Variants in GRIA4 observed in about 807,000 individuals in gnomAD.
The protein encoded by GRIA4 is glutamate ionotropic receptor AMPA type subunit 4, also known as glutamate receptor 4.
In GRIA4, 34 loss-of-function variants were observed where a neutral mutation model predicts 104.0. That is an observed-to-expected ratio of 0.33 (90% CI 0.25 to 0.44). The LOEUF (loss-of-function observed/expected upper bound fraction) is 0.44. Ranked by LOEUF, GRIA4 falls within the 20% of genes least tolerant of loss-of-function variation. The probability of loss-of-function intolerance (pLI) is 1.00; values close to 1 mark genes in which losing one functional copy is unlikely to be tolerated. For synonymous variants in GRIA4, 386 were observed against 381.9 expected, an observed-to-expected ratio of 1.01 and a Z score of -0.13; for missense variants, 750 against 1,096.5, an observed-to-expected ratio of 0.68 and a Z score of 4.46.
intron 14 of GRIA4, among the ~76,000 whole-genome samples, chr11:105,959,197 A>G (rs571367335): frequency 6.6e-6 from 1 of 152,178 alleles, no homozygotes; most frequent in South Asian, 2.1e-4. Context: ...TAATATCCTG[A>G]AATGTGTATT....
chr11:105,948,074 C>T (rs1948362076), intron 14 of GRIA4, among the ~76,000 whole-genome samples: 1 of 152,176 alleles, frequency 6.6e-6, no homozygotes, highest in East Asian at 1.9e-4. Flanking sequence ...AGCTTCCTTT[C>T]ATTAGCTTGT....
chr11:105,827,854 C>T (rs1943832868), intron 4 of GRIA4, among the ~76,000 whole-genome samples: 1 of 152,006 alleles, frequency 6.6e-6, no homozygotes, highest in Non-Finnish European at 1.5e-5. Flanking sequence ...AGACTATCAA[C>T]TAAATTTGCT....
intron 4 of GRIA4, among the ~76,000 whole-genome samples, chr11:105,772,985 C>T (rs1018493763): frequency 6.6e-6 from 1 of 152,040 alleles, no homozygotes; most frequent in African/African-American, 2.4e-5. Context: ...CAAGTCTAAA[C>T]ACAGCAAAAT....
At chr11:105,717,113 G>A (rs1954118045) in intron 3 of GRIA4, among the ~76,000 whole-genome samples, 1 of 151,998 alleles carries the variant, frequency 6.6e-6, no homozygotes, top group Non-Finnish European at 1.5e-5. Flanking sequence ...TGTTGAAAAT[G>A]AGGTTAACAT....
At position 105,927,664 on chromosome 11, in the gene GRIA4, T is replaced by G. The variant is rs1176347233; in HGVS notation, c.2046+725T>G. Reference sequence around the variant, plus strand: ...GGAACAATAGAGGTTTTTATTTTAGTTTTTTTTAGTGTTTGTTCCATTATG... The same window carrying G: ...GGAACAATAGAGGTTTTTATTTTAGGTTTTTTTAGTGTTTGTTCCATTATG... On this transcript the variant is annotated intron_variant, in intron 13 of 16. Transcript: ENST00000282499. 2.0e-5 allele frequency among the ~76,000 whole-genome samples: 3 copies of G among 151,838 alleles called. No homozygotes were observed. In the East Asian group the frequency reaches 5.8e-4, roughly 29 times the overall value.
At chr11:105,881,716 C>T (rs1260576268) in intron 5 of GRIA4, among the ~76,000 whole-genome samples, 3 of 150,912 alleles carry the variant, frequency 2.0e-5, no homozygotes, top group African/African-American at 7.3e-5. Flanking sequence ...CACACACACG[C>T]CCCTGCATAC....
chr11:105,770,708 C>T (rs1163116756), intron 4 of GRIA4, among the ~76,000 whole-genome samples: 1 of 152,000 alleles, frequency 6.6e-6, no homozygotes, highest in Non-Finnish European at 1.5e-5. Context: ...TAGTTAAAAC[C>T]TACTTTTCCC....
Position 105,931,265 on chromosome 11 carries a change from TACACACACACAC to T in GRIA4, c.2047-2430_2047-2419del, listed in dbSNP as rs373334457. Among the ~76,000 whole-genome samples, 339 of 143,784 alleles carry T rather than the reference TACACACACACAC, an allele frequency of 2.4e-3. 1 individual carries two copies. Among genetic ancestry groups the T allele is most frequent in the African/African-American group, 7.7e-3 (305 of 39,432 alleles). 94.3% of individuals were successfully genotyped at this position (143,784 alleles called of 152,430 possible). A position where few individuals can be genotyped will look rare whatever the true frequency, so the allele number is the denominator to read the frequency against. ...CAGAAGTATCCTGTCATTGCCTAAA[TACACACACACAC>T]ACACACACACACACACACACACACA... On this transcript the variant is annotated intron_variant, in intron 13 of 16. Transcript: ENST00000282499.
intron 14 of GRIA4, among the ~76,000 whole-genome samples, chr11:105,952,357 T>TA (rs766349424): frequency 4.6e-5 from 7 of 152,112 alleles, no homozygotes; most frequent in Non-Finnish European, 8.8e-5. Context: ...CCAAAGTAGG[T>TA]AAAAAAATTC....
At chr11:105,820,413 C>T (rs1301478642) in intron 4 of GRIA4, among the ~76,000 whole-genome samples, 4 of 152,060 alleles carry the variant, frequency 2.6e-5, no homozygotes, top group Admixed American at 2.6e-4. Context: ...CTCAAACATG[C>T]CAGTCATGGA....
Position 105,648,613 on chromosome 11 carries a change from G to T in GRIA4, c.247+36179G>T, listed in dbSNP as rs999627897. Among the ~76,000 whole-genome samples, 81 of 151,820 alleles carry T rather than the reference G, an allele frequency of 5.3e-4. 2 individuals carry two copies. The highest frequency in any genetic ancestry group is 2.0e-3 in the African/African-American group (81 of 41,508). On this transcript the variant is annotated intron_variant, in intron 3 of 16. Coordinates refer to ENST00000282499, the MANE Select transcript of GRIA4 (RefSeq NM_000829.4). ...AAAAGGAAAAAAAAAGAAAGAACTA[G>T]GAAGGGAAGGATGCAGAGAAAGAAA...
At chr11:105,844,437 A>G (rs1260399614) in intron 4 of GRIA4, among the ~76,000 whole-genome samples, 1 of 152,236 alleles carries the variant, frequency 6.6e-6, no homozygotes, top group Non-Finnish European at 1.5e-5. Flanking sequence ...AGTGAGAGCT[A>G]TATTTTACAG....
chr11:105,843,996 G>C (rs533771551), intron 4 of GRIA4, among the ~76,000 whole-genome samples: 5 of 152,086 alleles, frequency 3.3e-5, no homozygotes, highest in Non-Finnish European at 7.4e-5. Flanking sequence ...TGTTTTCTAA[G>C]ACATAGCCTG....
intron 3 of GRIA4, among the ~76,000 whole-genome samples, chr11:105,724,699 G>A (rs924944606): frequency 6.6e-6 from 1 of 152,040 alleles, no homozygotes; most frequent in African/African-American, 2.4e-5. Context: ...TACATTATTT[G>A]AGTGAAGAAT....
At chr11:105,899,906 T>C (rs1240816862) in intron 7 of GRIA4, among the ~76,000 whole-genome samples, 1 of 152,154 alleles carries the variant, frequency 6.6e-6, no homozygotes, top group Non-Finnish European at 1.5e-5. Context: ...TTCTTGCACT[T>C]GCGAACACTA....
chr11:105,664,129 G>A (rs1208047004), intron 3 of GRIA4, among the ~76,000 whole-genome samples: 4 of 147,670 alleles, frequency 2.7e-5, no homozygotes, highest in Admixed American at 7.0e-5. Flanking sequence ...GAGGGATGCC[G>A]TGAAGAATAT....
intron 14 of GRIA4, 131 bp from the exon 15 acceptor site, chr11:105,971,783 G>A: frequency 1.9e-6 from 1 of 522,410 alleles, no homozygotes; most frequent in Non-Finnish European, 3.5e-6. Flanking sequence ...CTAAACCTGG[G>A]CCTACAGTAC....
At chr11:105,856,589 A>G (rs1945015497) in intron 4 of GRIA4, among the ~76,000 whole-genome samples, 1 of 152,180 alleles carries the variant, frequency 6.6e-6, no homozygotes, top group Admixed American at 6.6e-5. Flanking sequence ...CTGAAAGAGA[A>G]GCAAGGAAAT....
chr11:105,753,639 G>A (rs1485424417), intron 4 of GRIA4, among the ~76,000 whole-genome samples: 9 of 152,046 alleles, frequency 5.9e-5, no homozygotes, highest in Admixed American at 5.2e-4. Context: ...CCAGAGTTAC[G>A]TAGCATCAGA....
Sources: gnomAD v4.1 joint callset for allele counts (sites outside exome capture counted in the v4.1 genomes callset) on GRCh38, gnomAD v4.1.1 for gene constraint, MANE v1.5 for transcripts, NCBI Gene and HGNC (gene_info 2026-07-23, HGNC 2026-07-21) for gene names.